STXBP5L: variants seen among roughly 807,000 people sequenced by gnomAD.
STXBP5L encodes the protein syntaxin binding protein 5L.
STXBP5L carries 65 observed loss-of-function variants against 144.5 expected under a neutral mutation model. The observed-to-expected ratio is 0.45, with a 90% CI of 0.37 to 0.55. The LOEUF is 0.55. Ranked by LOEUF, STXBP5L falls within the 20% of genes least tolerant of loss-of-function variation. The pLI, the probability that STXBP5L is intolerant of heterozygous loss-of-function variation, is 0.00. For synonymous variants in STXBP5L, 505 were observed against 469.6 expected, an observed-to-expected ratio of 1.08 and a Z score of -0.97; for missense variants, 1,298 against 1,405.5, an observed-to-expected ratio of 0.92 and a Z score of 1.22.
chr3:121,236,698 A>G (rs73191445), intron 12 of STXBP5L, among the ~76,000 whole-genome samples: 5,410 of 152,334 alleles, frequency 0.036, 145 homozygotes, highest in Middle Eastern at 0.082. Flanking sequence ...GTCCTCACAT[A>G]AAAGATACAA....
At chr3:121,134,855 A>G (rs144962365) in intron 7 of STXBP5L, among the ~76,000 whole-genome samples, 2 of 152,286 alleles carry the variant, frequency 1.3e-5, no homozygotes, top group East Asian at 3.9e-4. Flanking sequence ...GAATAGTACC[A>G]CAATAAACAT....
chr3:121,090,221 C>G (rs752894644), intron 5 of STXBP5L, among the ~76,000 whole-genome samples: 15 of 152,084 alleles, frequency 9.9e-5, no homozygotes, highest in Admixed American at 7.9e-4. Context: ...ATTGGTCTGG[C>G]AGGGGAAGGT....
intron 6 of STXBP5L, among the ~76,000 whole-genome samples, chr3:121,116,417 G>T (rs2044231623): frequency 6.6e-6 from 1 of 152,084 alleles, no homozygotes; most frequent in Non-Finnish European, 1.5e-5. Flanking sequence ...TATTATGTCT[G>T]AATGGGTCTT....
chr3:121,164,284 A>C (rs1426130826), intron 9 of STXBP5L, among the ~76,000 whole-genome samples: 1 of 152,250 alleles, frequency 6.6e-6, no homozygotes, highest in Non-Finnish European at 1.5e-5. Context: ...AATGCCAATC[A>C]AAACCACTAT....
At chr3:120,933,807 T>G (rs1334443064) in intron 2 of STXBP5L, among the ~76,000 whole-genome samples, 3 of 152,140 alleles carry the variant, frequency 2.0e-5, no homozygotes, top group Non-Finnish European at 4.4e-5. Context: ...AGCTTGATCT[T>G]GAAGAACTAG....
intron 22 of STXBP5L, 23 bp from the exon 23 acceptor site, chr3:121,407,220 G>A (rs956906564): frequency 6.5e-7 from 1 of 1,529,776 alleles, no homozygotes; most frequent in Non-Finnish European, 8.8e-7. Flanking sequence ...TGACATGTCA[G>A]TGATGTCCAA....
intron 3 of STXBP5L, among the ~76,000 whole-genome samples, chr3:120,979,192 G>T (rs1430820601): frequency 6.6e-6 from 1 of 152,188 alleles, no homozygotes; most frequent in African/African-American, 2.4e-5. Flanking sequence ...AGCTGTGGTG[G>T]GCTTCCCCCA....
At chr3:121,108,248 T>C (rs774483280) in intron 5 of STXBP5L, among the ~76,000 whole-genome samples, 2 of 152,176 alleles carry the variant, frequency 1.3e-5, no homozygotes, top group Admixed American at 1.3e-4. Context: ...CCCAATACTA[T>C]GTTGAATAGG....
At chr3:121,065,093 AG>A (rs2041479287) in intron 5 of STXBP5L, among the ~76,000 whole-genome samples, 1 of 151,578 alleles carries the variant, frequency 6.6e-6, no homozygotes, top group Non-Finnish European at 1.5e-5. Context: ...ATGGCTGCAT[AG>A]TATTCTATGG....
chr3:121,353,932 G>A (rs954418729), intron 20 of STXBP5L, among the ~76,000 whole-genome samples: 7 of 152,046 alleles, frequency 4.6e-5, no homozygotes. Context: ...CCTTCAATTC[G>A]TTATTTACCC....
At chr3:121,383,208 A>G (rs1001039860) in intron 22 of STXBP5L, among the ~76,000 whole-genome samples, 2 of 152,028 alleles carry the variant, frequency 1.3e-5, no homozygotes, top group Admixed American at 1.3e-4. Flanking sequence ...AGGCCAAGGT[A>G]GGAGTATTGC....
chr3:120,958,057 A>C (rs1484897025), intron 3 of STXBP5L, among the ~76,000 whole-genome samples: 1 of 152,168 alleles, frequency 6.6e-6, no homozygotes, highest in Non-Finnish European at 1.5e-5. Context: ...TAGACACAAT[A>C]AAAAGTGATA....
intron 10 of STXBP5L, among the ~76,000 whole-genome samples, chr3:121,212,850 G>A (rs1002663524): frequency 6.6e-6 from 1 of 152,144 alleles, no homozygotes; most frequent in African/African-American, 2.4e-5. Flanking sequence ...CCATTAGCAT[G>A]GAATGCTTTT....
At chr3:121,357,151 G>C in intron 20 of STXBP5L, 1 of 177,778 alleles carries the variant, frequency 5.6e-6, no homozygotes. Flanking sequence ...ACAATCACAG[G>C]TACTGACTGG....
chr3:121,027,380 A>T lies in STXBP5L; in HGVS notation c.288-14320A>T, dbSNP rs183256691. ...CTGAAAGGTTAACTTAATAGCATCCATGTAGGGTAAGTCCTTTGAATCTTA... is the reference window on the plus strand; with the variant it reads ...CTGAAAGGTTAACTTAATAGCATCCTTGTAGGGTAAGTCCTTTGAATCTTA... On this transcript the variant is annotated intron_variant, in intron 3 of 26. Transcript: ENST00000471454. Among the ~76,000 whole-genome samples the T allele has an allele frequency of 2.0e-5, 3 of 152,272 alleles. No homozygotes were observed. In the South Asian group the frequency reaches 6.2e-4, roughly 32 times the overall value.
intron 11 of STXBP5L, among the ~76,000 whole-genome samples, chr3:121,226,733 T>C (rs972525066): frequency 4.6e-5 from 7 of 152,180 alleles, no homozygotes; most frequent in African/African-American, 1.7e-4. Flanking sequence ...CAATGCACAA[T>C]GTTACAATCT....
At chr3:120,999,333 T>G (rs186238407) in intron 3 of STXBP5L, among the ~76,000 whole-genome samples, 1 of 152,256 alleles carries the variant, frequency 6.6e-6, no homozygotes, top group East Asian at 1.9e-4. Flanking sequence ...GATTACACCT[T>G]CCTTGTTACT....
chr3:121,037,413 A>G (rs987569124), intron 3 of STXBP5L, among the ~76,000 whole-genome samples: 1 of 151,594 alleles, frequency 6.6e-6, no homozygotes, highest in Non-Finnish European at 1.5e-5. Flanking sequence ...GAACCCAGCT[A>G]ATTTTATTAT....
chr3:121,281,829 TA>T (rs2051069509), intron 19 of STXBP5L, among the ~76,000 whole-genome samples: 2 of 152,030 alleles, frequency 1.3e-5, no homozygotes, highest in South Asian at 4.1e-4. Flanking sequence ...AATGAAGTAT[TA>T]AAGACTGAAA....
Sources: gnomAD v4.1 joint callset for allele counts (sites outside exome capture counted in the v4.1 genomes callset) on GRCh38, gnomAD v4.1.1 for gene constraint, MANE v1.5 for transcripts, NCBI Gene and HGNC (gene_info 2026-07-23, HGNC 2026-07-21) for gene names.